Variants in TMPRSS11A observed in about 807,000 individuals in gnomAD.
TMPRSS11A encodes the protein transmembrane serine protease 11A, also known as transmembrane protease serine 11A.
TMPRSS11A carries 53 observed loss-of-function variants against 58.9 expected under a neutral mutation model. That is an observed-to-expected ratio of 0.90 (90% CI 0.72 to 1.13). The LOEUF is 1.13. TMPRSS11A is among the 50% of genes most tolerant of loss of function. The pLI is 0.00. For missense variants in TMPRSS11A, 493 were observed against 499.3 expected, an observed-to-expected ratio of 0.99 and a Z score of 0.12; for synonymous variants, 167 against 169.8, an observed-to-expected ratio of 0.98 and a Z score of 0.13.
In TMPRSS11A at chr4:67,943,885, C is replaced by T. The variant is rs138236680; in HGVS notation, c.252+634G>A. The stretch of plus-strand genomic sequence containing the variant: ...TTCTTTTTAAAATAAGTCTCTGCTT[C>T]TGTGCTTCCTTGTTAGAAAAATTAA... On this transcript the variant is annotated intron_variant, in intron 3 of 9. Transcript: ENST00000508048. 2.7e-3 allele frequency among the ~76,000 whole-genome samples: 416 copies of T among 152,238 alleles called. 5 individuals are homozygous for T. The highest frequency in any genetic ancestry group is 9.4e-3 in the African/African-American group (391 of 41,542).
intron 8 of TMPRSS11A, among the ~76,000 whole-genome samples, chr4:67,915,320 G>A (rs979134070): frequency 6.6e-6 from 1 of 152,078 alleles, no homozygotes; most frequent in Non-Finnish European, 1.5e-5. Context: ...ATTATGGCAG[G>A]CTACGTAGAA....
chr4:67,929,812 A>T (rs751512731), intron 5 of TMPRSS11A, 68 bp downstream of exon 5: 156 of 1,317,188 alleles, frequency 1.2e-4, no homozygotes, highest in Non-Finnish European at 1.6e-4. Flanking sequence ...ATGACAAATA[A>T]ATTTGAGATT....
chr4:67,946,987 G>A (rs907261783), intron 1 of TMPRSS11A, among the ~76,000 whole-genome samples: 2 of 151,766 alleles, frequency 1.3e-5, no homozygotes, highest in South Asian at 2.1e-4. Context: ...TTATTTTTAA[G>A]TATTATGAAA....
At chr4:67,935,632 A>G (rs6821995) in intron 3 of TMPRSS11A, among the ~76,000 whole-genome samples, 81,372 of 151,972 alleles carry the variant, frequency 0.54, 22,793 homozygotes, top group African/African-American at 0.63. Context: ...ATAAAATCTA[A>G]CATAGTGCTT....
At chr4:67,943,263 C>A (rs1482011697) in intron 3 of TMPRSS11A, among the ~76,000 whole-genome samples, 1 of 152,172 alleles carries the variant, frequency 6.6e-6, no homozygotes, top group Non-Finnish European at 1.5e-5. Flanking sequence ...AGACCTATTG[C>A]ATTCTTCTCC....
At position 67,930,380 on chromosome 4, in the gene TMPRSS11A, T is replaced by C. The variant is rs145292160; in HGVS notation, c.321-340A>G. Among the ~76,000 whole-genome samples, 21 of 152,346 alleles carry C rather than the reference T, an allele frequency of 1.4e-4. No homozygotes were observed. The East Asian group carries it at 2.9e-3, about 21-fold the overall frequency. ...GTATATTTGATACCTGAATCACTTCTACAGGGTCCATGACAATTGGCCCTC... is the reference window on the plus strand; with the variant it reads ...GTATATTTGATACCTGAATCACTTCCACAGGGTCCATGACAATTGGCCCTC... On this transcript the variant is annotated intron_variant, in intron 4 of 9. Coordinates refer to ENST00000508048, the MANE Select transcript of TMPRSS11A (RefSeq NM_001114387.2).
At chr4:67,924,100 C>T in intron 6 of TMPRSS11A, 28 bp downstream of exon 6, 1 of 1,599,026 alleles carries the variant, frequency 6.3e-7, no homozygotes, top group African/African-American at 1.3e-5. Context: ...GAAAATTGAA[C>T]TTGTTTATAT....
chr4:67,933,458 A>T (rs1393397181), intron 3 of TMPRSS11A, among the ~76,000 whole-genome samples: 3 of 152,222 alleles, frequency 2.0e-5, no homozygotes, highest in Non-Finnish European at 2.9e-5. Flanking sequence ...TAGAACACAT[A>T]GTAATAAGTT....
chr4:67,939,873 C>A (rs1257811858), intron 3 of TMPRSS11A, among the ~76,000 whole-genome samples: 1 of 151,750 alleles, frequency 6.6e-6, no homozygotes, highest in Non-Finnish European at 1.5e-5. Flanking sequence ...ATTTTTAATA[C>A]AGATGGGGTT....
chr4:67,931,808 C>G (rs1720630729), intron 4 of TMPRSS11A, among the ~76,000 whole-genome samples, 185 bp downstream of exon 4: 1 of 152,254 alleles, frequency 6.6e-6, no homozygotes, highest in South Asian at 2.1e-4. Flanking sequence ...CTTCCTGAAT[C>G]TTAGTCTTTT....
In TMPRSS11A at chr4:67,924,115, T is replaced by G. The variant is rs369884437; in HGVS notation, c.520+13A>C. The stretch of plus-strand genomic sequence containing the variant: ...GAAAATTGAACTTGTTTATATAAGC[T>G]AACTTGACTTACTTGCTTGGACAGT... On this transcript the variant is annotated intron_variant, in intron 6 of 9. Transcript: ENST00000508048. 6.2e-7 allele frequency: 1 copy of G among 1,611,328 alleles called. No individual in the cohort carries two copies. Among genetic ancestry groups the G allele is most frequent in the Admixed American group, 1.7e-5 (1 of 59,998 alleles).
intron 3 of TMPRSS11A, among the ~76,000 whole-genome samples, chr4:67,933,879 A>C (rs1033033002): frequency 6.6e-6 from 1 of 152,204 alleles, no homozygotes; most frequent in African/African-American, 2.4e-5. Flanking sequence ...CCTCTGAATA[A>C]GTTCAACCAC....
chr4:67,953,650 T>G (rs1274332234), intron 1 of TMPRSS11A, among the ~76,000 whole-genome samples: 1 of 152,050 alleles, frequency 6.6e-6, no homozygotes, highest in African/African-American at 2.4e-5. Flanking sequence ...AATACAAAAT[T>G]AGCTGAGTGT....
chr4:67,935,701 G>T (rs1447806017), intron 3 of TMPRSS11A, among the ~76,000 whole-genome samples: 1 of 152,036 alleles, frequency 6.6e-6, no homozygotes, highest in Non-Finnish European at 1.5e-5. Context: ...AAAAAGGTGA[G>T]AATTTATTTA....
At position 67,954,094 on chromosome 4, in the gene TMPRSS11A, G is replaced by C. The variant is rs1464206699; in HGVS notation, c.12-7523C>G. Among the ~76,000 whole-genome samples, 10 of 152,010 alleles carry C rather than the reference G, an allele frequency of 6.6e-5. 1 individual carries two copies. Among genetic ancestry groups the C allele is most frequent in the Admixed American group, 3.9e-4 (6 of 15,268 alleles). Reference sequence around the variant, plus strand: ...GCTGAGCTGAGTTCAAGGAACTCAGGGAAGGAAAGTTAGGAACCAAGAAAA... The same window carrying C: ...GCTGAGCTGAGTTCAAGGAACTCAGCGAAGGAAAGTTAGGAACCAAGAAAA... On this transcript the variant is annotated intron_variant, in intron 1 of 9. Coordinates refer to ENST00000508048, the MANE Select transcript of TMPRSS11A (RefSeq NM_001114387.2).
intron 3 of TMPRSS11A, among the ~76,000 whole-genome samples, chr4:67,940,288 A>G (rs2109756996): frequency 6.6e-6 from 1 of 152,228 alleles, no homozygotes; most frequent in East Asian, 1.9e-4. Flanking sequence ...ATTCTTTGGA[A>G]TAGTTTCACT....
In TMPRSS11A at chr4:67,929,895, A is replaced by G. The variant is rs760765472; in HGVS notation, c.466T>C (p.Ser156Pro). Reference sequence around the variant, plus strand: ...ACCTCCTTACCATTAACTTGAACTGATGAGGCATTTATTGGCAAGGCTCTT... The same window carrying G: ...ACCTCCTTACCATTAACTTGAACTGGTGAGGCATTTATTGGCAAGGCTCTT... ...NLRALPINASSVQVNAMSSST... is the reference protein window; with the variant it reads ...NLRALPINASPVQVNAMSSST... The change falls in exon 5 of 10, where the codon TCA becomes CCA. Residue 156 changes from serine (S) to proline (P), a missense_variant. Transcript: ENST00000508048. 54 of 1,612,578 alleles carry G rather than the reference A, an allele frequency of 3.3e-5. No homozygotes were observed. Among genetic ancestry groups the G allele is most frequent in the Middle Eastern group, 1.6e-4 (1 of 6,080 alleles).
At chr4:67,919,259 T>C in intron 7 of TMPRSS11A, 27 bp from the exon 8 acceptor site, 1 of 1,607,460 alleles carries the variant, frequency 6.2e-7, no homozygotes, top group Middle Eastern at 1.8e-4. Flanking sequence ...ATTAACAGAA[T>C]ATATATAAGC....
At chr4:67,920,539 ATATATATATAT>A (rs1449926175) in intron 7 of TMPRSS11A, among the ~76,000 whole-genome samples, 45 of 83,132 alleles carry the variant, frequency 5.4e-4, no homozygotes, top group Middle Eastern at 9.6e-3. Flanking sequence ...ATATATATAT[ATATATATATAT>A]TTTTTTTTAT....
Sources: gnomAD v4.1 joint callset for allele counts (sites outside exome capture counted in the v4.1 genomes callset) on GRCh38, gnomAD v4.1.1 for gene constraint, MANE v1.5 for transcripts, NCBI Gene and HGNC (gene_info 2026-07-23, HGNC 2026-07-21) for gene names.